Variants in MYO16 observed in about 807,000 individuals in gnomAD.
MYO16 encodes unconventional myosin-XVI.
A neutral mutation model predicts 205.3 loss-of-function variants in MYO16; 94 were observed. The ratio of observed to expected loss-of-function variants is 0.46; its 90% confidence interval spans 0.39 to 0.54. The LOEUF is 0.54. Ranked by LOEUF, MYO16 falls within the 20% of genes least tolerant of loss-of-function variation. The probability of loss-of-function intolerance (pLI) is 0.00; values close to 1 mark genes in which losing one functional copy is unlikely to be tolerated. For missense variants in MYO16, 2,315 were observed against 2,387.5 expected, an observed-to-expected ratio of 0.97 and a Z score of 0.63; for synonymous variants, 988 against 954.0, an observed-to-expected ratio of 1.04 and a Z score of -0.66.
At chr13:108,530,056 A>T in the MYO16 span, among the ~76,000 whole-genome samples, 26 of 152,296 alleles carry the variant, frequency 1.7e-4, no homozygotes, top group African/African-American at 6.3e-4. Context: ...GTGCATTCCC[A>T]ATTCCTTCTG....
At chr13:108,741,862 G>A (rs1884920375) in intron 4 of MYO16, among the ~76,000 whole-genome samples, 1 of 152,148 alleles carries the variant, frequency 6.6e-6, no homozygotes, top group Non-Finnish European at 1.5e-5. Context: ...CACAATTTGA[G>A]CAAAAGAGGG....
intron 1 of MYO16, among the ~76,000 whole-genome samples, chr13:108,619,972 G>A (rs540712640): frequency 2.0e-5 from 3 of 152,258 alleles, no homozygotes; most frequent in African/African-American, 7.2e-5. Flanking sequence ...GAGGGGTATT[G>A]CCCCATGATG....
intron 23 of MYO16, among the ~76,000 whole-genome samples, chr13:109,023,338 T>G (rs1232711049): frequency 1.6e-5 from 1 of 62,548 alleles, no homozygotes; most frequent in Non-Finnish European, 2.8e-5. Context: ...GATATAAATA[T>G]ATATTTATAT....
chr13:108,856,655 T>C (rs1184394495), intron 11 of MYO16, among the ~76,000 whole-genome samples: 1 of 152,064 alleles, frequency 6.6e-6, no homozygotes, highest in African/African-American at 2.4e-5. Context: ...TTTGTCTTAA[T>C]TATAGAAGCC....
intron 34 of MYO16, among the ~76,000 whole-genome samples, chr13:109,180,307 G>A (rs1368103354): frequency 6.6e-6 from 1 of 152,096 alleles, no homozygotes; most frequent in Admixed American, 6.6e-5. Flanking sequence ...ATTATAGAAT[G>A]TACTGTTTTA....
At chr13:108,776,062 C>T (rs995757459) in intron 4 of MYO16, among the ~76,000 whole-genome samples, 2 of 152,170 alleles carry the variant, frequency 1.3e-5, no homozygotes, top group African/African-American at 4.8e-5. Flanking sequence ...AAATATTTTA[C>T]TCTAGCCTGC....
chr13:108,579,052 A>G, the MYO16 span, among the ~76,000 whole-genome samples: 11 of 152,252 alleles, frequency 7.2e-5, no homozygotes, highest in East Asian at 1.9e-4. Context: ...GAAAATTTGA[A>G]AGGGGTTAAT....
chr13:108,907,458 C>G (rs546513780), intron 15 of MYO16, among the ~76,000 whole-genome samples: 1 of 152,156 alleles, frequency 6.6e-6, no homozygotes. Flanking sequence ...TGTATGAACA[C>G]TTACATGAAT....
intron 14 of MYO16, among the ~76,000 whole-genome samples, chr13:108,891,976 A>T (rs1177513708): frequency 1.3e-5 from 2 of 152,116 alleles, no homozygotes; most frequent in African/African-American, 2.4e-5. Context: ...CTGATTCCTT[A>T]TTTAGAAATG....
At chr13:108,932,883 G>A (rs1882321068) in intron 16 of MYO16, among the ~76,000 whole-genome samples, 1 of 152,086 alleles carries the variant, frequency 6.6e-6, no homozygotes, top group Non-Finnish European at 1.5e-5. Flanking sequence ...TCTGTGGGGG[G>A]CCCATGGACT....
intron 10 of MYO16, among the ~76,000 whole-genome samples, chr13:108,853,424 AT>A (rs1245613343): frequency 1.3e-5 from 2 of 152,166 alleles, no homozygotes; most frequent in African/African-American, 2.4e-5. Context: ...TAAATAACTA[AT>A]TTTAGGAAAA....
the MYO16 span, among the ~76,000 whole-genome samples, chr13:108,560,647 G>C: frequency 6.6e-6 from 1 of 152,100 alleles, no homozygotes; most frequent in Non-Finnish European, 1.5e-5. Context: ...TCAGTTATGT[G>C]TCTTTGAAGT....
chr13:109,020,004 T>C (rs1885968867), intron 23 of MYO16, 93 bp downstream of exon 23: 2 of 1,289,142 alleles, frequency 1.6e-6, no homozygotes, highest in East Asian at 2.4e-5. Context: ...TAAGGTGTGT[T>C]ATTTGGATAA....
intron 1 of MYO16, among the ~76,000 whole-genome samples, chr13:108,645,725 T>C (rs980893208): frequency 6.7e-6 from 1 of 149,448 alleles, no homozygotes; most frequent in Non-Finnish European, 1.5e-5. Context: ...GAGGAGGCTA[T>C]GAGTGTCTGA....
intron 16 of MYO16, among the ~76,000 whole-genome samples, chr13:108,955,553 G>A (rs1377183816): frequency 2.0e-5 from 3 of 152,120 alleles, no homozygotes; most frequent in Non-Finnish European, 2.9e-5. Context: ...CTATCATTCA[G>A]TCTTAAAGTC....
At chr13:108,667,004 C>A (rs1220753999) in intron 2 of MYO16, among the ~76,000 whole-genome samples, 1 of 152,188 alleles carries the variant, frequency 6.6e-6, no homozygotes, top group African/African-American at 2.4e-5. Context: ...CTAAAATGAG[C>A]ATCTTCACAA....
chr13:108,708,107 C>T (rs1164505866), intron 2 of MYO16, among the ~76,000 whole-genome samples: 1 of 152,210 alleles, frequency 6.6e-6, no homozygotes, highest in Non-Finnish European at 1.5e-5. Context: ...GAACTAGCAA[C>T]ATTCATCTTA....
chr13:108,719,511 C>T (rs1400889873), intron 3 of MYO16, among the ~76,000 whole-genome samples: 1 of 151,928 alleles, frequency 6.6e-6, no homozygotes, highest in African/African-American at 2.4e-5. Context: ...AGCTTTCTGC[C>T]TGCGTCATCC....
chr13:108,991,867 T>C (rs1221532929), intron 20 of MYO16, among the ~76,000 whole-genome samples: 3 of 152,236 alleles, frequency 2.0e-5, no homozygotes, highest in Non-Finnish European at 4.4e-5. Flanking sequence ...ATCACCCACA[T>C]AGTGTTACAT....
Sources: allele counts gnomAD v4.1 joint callset (sites outside exome capture counted in the v4.1 genomes callset), GRCh38; gene constraint gnomAD v4.1.1; transcripts MANE v1.5; gene names NCBI Gene and HGNC (gene_info 2026-07-23, HGNC 2026-07-21).